The following GRM5 variants were observed in gnomAD, a reference collection of about 807,000 sequenced individuals.
GRM5 encodes glutamate metabotropic receptor 5.
Under a neutral mutation model 83.1 loss-of-function variants are expected in GRM5, and 19 were observed. That is an observed-to-expected ratio of 0.23 (90% CI 0.16 to 0.34). The LOEUF is 0.34. Among genes scored for constraint, GRM5 ranks in the 10% least tolerant of loss-of-function variants. The pLI, the probability that GRM5 is intolerant of heterozygous loss-of-function variation, is 1.00. For missense variants in GRM5, 1,160 were observed against 1,588.3 expected, an observed-to-expected ratio of 0.73 and a Z score of 4.58; for synonymous variants, 675 against 633.6, an observed-to-expected ratio of 1.07 and a Z score of -0.98.
At chr11:88,566,486 T>G (rs1165152019) in intron 8 of GRM5, among the ~76,000 whole-genome samples, 1 of 152,218 alleles carries the variant, frequency 6.6e-6, no homozygotes, top group Non-Finnish European at 1.5e-5. Flanking sequence ...TTTGCCCTTT[T>G]CAGCTGCTTA....
chr11:88,908,273 C>T (rs536553423), intron 2 of GRM5, among the ~76,000 whole-genome samples: 74 of 152,092 alleles, frequency 4.9e-4, no homozygotes, highest in African/African-American at 1.7e-3. Context: ...AGGTATTGCT[C>T]CTAAAAATCT....
chr11:88,973,566 T>C (rs1043814182), intron 2 of GRM5, among the ~76,000 whole-genome samples: 2 of 152,210 alleles, frequency 1.3e-5, no homozygotes, highest in Admixed American at 1.3e-4. Context: ...CCAACATTAG[T>C]TGAAAGAAGC....
intron 2 of GRM5, among the ~76,000 whole-genome samples, chr11:89,013,941 A>G (rs1191771628): frequency 2.0e-5 from 3 of 152,174 alleles, no homozygotes; most frequent in Non-Finnish European, 4.4e-5. Context: ...CACTTCTTAC[A>G]AAGTACATTA....
chr11:88,988,400 T>A (rs1339503949), intron 2 of GRM5, among the ~76,000 whole-genome samples: 1 of 151,664 alleles, frequency 6.6e-6, no homozygotes, highest in African/African-American at 2.4e-5. Flanking sequence ...TACCTGAAAG[T>A]GACGGGGAGA....
At chr11:88,822,022 A>AT (rs1943807559) in intron 3 of GRM5, among the ~76,000 whole-genome samples, 2 of 152,114 alleles carry the variant, frequency 1.3e-5, no homozygotes, top group South Asian at 2.1e-4. Flanking sequence ...TTTATACATT[A>AT]TTTTTTGAAT....
At chr11:88,771,487 A>G (rs1345019624) in intron 3 of GRM5, among the ~76,000 whole-genome samples, 2 of 152,256 alleles carry the variant, frequency 1.3e-5, no homozygotes, top group East Asian at 3.9e-4. Context: ...CAAGGGCAAG[A>G]GGAACAGATG....
chr11:89,038,157 G>GTGTGTT (rs1461421548), intron 2 of GRM5, among the ~76,000 whole-genome samples: 1 of 150,708 alleles, frequency 6.6e-6, no homozygotes, highest in African/African-American at 2.4e-5. Flanking sequence ...CTCATTGTGT[G>GTGTGTT]TGTGTGTGTG....
chr11:88,566,762 G>C (rs1942885272), intron 8 of GRM5, among the ~76,000 whole-genome samples: 1 of 152,008 alleles, frequency 6.6e-6, no homozygotes, highest in African/African-American at 2.4e-5. Context: ...CCTTGCCTTG[G>C]CTTTGTGAGC....
intron 2 of GRM5, among the ~76,000 whole-genome samples, chr11:88,943,388 C>T (rs1286354853): frequency 2.0e-5 from 3 of 152,060 alleles, no homozygotes; most frequent in Non-Finnish European, 2.9e-5. Context: ...TTCAGATAAT[C>T]ATTTTCACCA....
At chr11:88,623,133 T>C (rs1349470748) in intron 4 of GRM5, among the ~76,000 whole-genome samples, 1 of 152,150 alleles carries the variant, frequency 6.6e-6, no homozygotes, top group Non-Finnish European at 1.5e-5. Context: ...TCGCCCAGTA[T>C]GGAGTGCAAT....
At chr11:88,695,056 TG>T (rs1940869240) in intron 3 of GRM5, among the ~76,000 whole-genome samples, 1 of 152,192 alleles carries the variant, frequency 6.6e-6, no homozygotes, top group African/African-American at 2.4e-5. Flanking sequence ...GTTATGCATG[TG>T]GGTCAAAAGC....
chr11:88,978,122 TAAATA>T, intron 2 of GRM5, among the ~76,000 whole-genome samples: 1 of 152,204 alleles, frequency 6.6e-6, no homozygotes, highest in Non-Finnish European at 1.5e-5. Flanking sequence ...AAATACAAGA[TAAATA>T]AGTCCTAGGT....
intron 3 of GRM5, among the ~76,000 whole-genome samples, chr11:88,814,189 T>C (rs1237902420): frequency 6.6e-6 from 1 of 152,168 alleles, no homozygotes; most frequent in African/African-American, 2.4e-5. Context: ...GAGTAATCCC[T>C]GAGAAATGAG....
intron 3 of GRM5, among the ~76,000 whole-genome samples, chr11:88,708,210 T>A (rs1008021817): frequency 2.0e-5 from 3 of 151,986 alleles, no homozygotes; most frequent in Admixed American, 1.3e-4. Flanking sequence ...ACATGTTGAG[T>A]CCCAGGTTCG....
chr11:88,621,481 T>G (rs1027726934), intron 4 of GRM5, among the ~76,000 whole-genome samples: 7 of 152,122 alleles, frequency 4.6e-5, no homozygotes, highest in African/African-American at 1.2e-4. Context: ...ATACTTTCTT[T>G]TAGAGTTGTG....
At chr11:88,893,496 T>G (rs1231177658) in intron 2 of GRM5, among the ~76,000 whole-genome samples, 1 of 152,028 alleles carries the variant, frequency 6.6e-6, no homozygotes, top group Non-Finnish European at 1.5e-5. Context: ...AGATGGTCTG[T>G]TGAAGTAATG....
At chr11:89,045,950 A>G (rs1941633344) in intron 2 of GRM5, among the ~76,000 whole-genome samples, 1 of 152,092 alleles carries the variant, frequency 6.6e-6, no homozygotes, top group African/African-American at 2.4e-5. Context: ...TAAGATTCCC[A>G]CCATGACCCC....
intron 2 of GRM5, among the ~76,000 whole-genome samples, chr11:88,851,434 T>G (rs979378756): frequency 3.3e-5 from 5 of 152,152 alleles, no homozygotes; most frequent in African/African-American, 1.2e-4. Context: ...GGGCATTCAG[T>G]TGCATAGGGT....
chr11:88,956,811 A>G (rs1369496659), intron 2 of GRM5, among the ~76,000 whole-genome samples: 1 of 152,212 alleles, frequency 6.6e-6, no homozygotes, highest in Non-Finnish European at 1.5e-5. Context: ...GTCAAAAGAA[A>G]AAAAGAAAAA....
Sources: gnomAD v4.1 joint callset for allele counts (sites outside exome capture counted in the v4.1 genomes callset) on GRCh38, gnomAD v4.1.1 for gene constraint, MANE v1.5 for transcripts, NCBI Gene and HGNC (gene_info 2026-07-23, HGNC 2026-07-21) for gene names.